The following CNTN5 variants were observed in gnomAD, a reference collection of about 807,000 sequenced individuals.
The protein encoded by CNTN5 is contactin-5.
In CNTN5, 77 loss-of-function variants were observed where a neutral mutation model predicts 129.1. The ratio of observed to expected loss-of-function variants is 0.60; its 90% CI spans 0.50 to 0.72. The LOEUF is 0.72. Ranked by LOEUF, CNTN5 falls within the 30% of genes least tolerant of loss-of-function variation. The pLI is 0.00. For synonymous variants in CNTN5, 509 were observed against 465.6 expected (o/e 1.09, Z -1.20); for missense variants, 1,478 against 1,328.8 (o/e 1.11, Z -1.75).
At chr11:99,029,857 T>C (rs1863279559) in intron 1 of CNTN5, among the ~76,000 whole-genome samples, 1 of 152,176 alleles carries the variant, frequency 6.6e-6, no homozygotes, top group Admixed American at 6.5e-5. Flanking sequence ...AGTTTATTAA[T>C]TTCTCAATCA....
intron 2 of CNTN5, among the ~76,000 whole-genome samples, chr11:99,453,436 A>C (rs925607375): frequency 1.3e-5 from 2 of 152,234 alleles, no homozygotes; most frequent in Non-Finnish European, 2.9e-5. Context: ...TCATTACCAG[A>C]TGAATATTTG....
At chr11:99,787,617 A>C (rs1945581248) in intron 3 of CNTN5, among the ~76,000 whole-genome samples, 1 of 151,998 alleles carries the variant, frequency 6.6e-6, no homozygotes, top group Non-Finnish European at 1.5e-5. Flanking sequence ...CTGAAGAAGA[A>C]AAGAACAGAA....
intron 3 of CNTN5, among the ~76,000 whole-genome samples, chr11:99,648,959 G>T (rs1406747551): frequency 2.0e-5 from 3 of 151,724 alleles, no homozygotes; most frequent in Non-Finnish European, 4.4e-5. Context: ...CACAACTACA[G>T]CTAGATTGGA....
chr11:99,030,033 G>C (rs934654987), intron 1 of CNTN5, among the ~76,000 whole-genome samples: 1 of 152,140 alleles, frequency 6.6e-6, no homozygotes, highest in Non-Finnish European at 1.5e-5. Context: ...AGAGAGAGAA[G>C]AGAGAAGAAA....
At chr11:100,133,619 G>A (rs11222898) in intron 13 of CNTN5, among the ~76,000 whole-genome samples, 19,690 of 152,076 alleles carry the variant, frequency 0.13, 1,354 homozygotes, top group African/African-American at 0.16. Flanking sequence ...CAAGAACCAT[G>A]TAAAGTTATA....
intron 18 of CNTN5, among the ~76,000 whole-genome samples, chr11:100,286,063 C>G (rs1380435594): frequency 1.3e-5 from 2 of 152,218 alleles, no homozygotes; most frequent in Non-Finnish European, 2.9e-5. Flanking sequence ...TAAAAAACGG[C>G]CCAACACGAG....
chr11:99,091,425 G>C (rs547902658), intron 1 of CNTN5, among the ~76,000 whole-genome samples: 1 of 152,198 alleles, frequency 6.6e-6, no homozygotes, highest in Non-Finnish European at 1.5e-5. Context: ...TGAAAGGTCT[G>C]TAAGGCACAA....
rs201574871 is a variant in CNTN5 at position 100,129,924 on chromosome 11, T to TA, written c.1580+55638dup. Reference sequence around the variant, plus strand: ...TGGTTGTGCTAATCATTAGTCGTGGTAAAAAAAATCACCATCACTAGTGGT... The same window carrying TA: ...TGGTTGTGCTAATCATTAGTCGTGGTAAAAAAAAATCACCATCACTAGTGGT... On this transcript the variant is annotated intron_variant, in intron 13 of 24. Coordinates refer to ENST00000524871, the MANE Select transcript of CNTN5 (RefSeq NM_014361.4). Among the ~76,000 whole-genome samples the TA allele has an allele frequency of 9.5e-3, 1,447 of 152,040 alleles. 33 individuals carry two copies. Among genetic ancestry groups the TA allele is most frequent in the African/African-American group, 0.033 (1,353 of 41,472 alleles).
chr11:99,952,156 T>C (rs1166895933), intron 7 of CNTN5, among the ~76,000 whole-genome samples: 1 of 152,200 alleles, frequency 6.6e-6, no homozygotes, highest in Non-Finnish European at 1.5e-5. Flanking sequence ...TAGTAATGAA[T>C]AATTAAGCGG....
chr11:100,190,352 G>T (rs959213992), intron 13 of CNTN5, among the ~76,000 whole-genome samples: 1 of 152,038 alleles, frequency 6.6e-6, no homozygotes, highest in African/African-American at 2.4e-5. Context: ...GAGCATAGAA[G>T]GGAGAAAAGG....
chr11:99,587,254 C>CA (rs1565324932), intron 3 of CNTN5, among the ~76,000 whole-genome samples: 4 of 152,146 alleles, frequency 2.6e-5, no homozygotes, highest in African/African-American at 7.2e-5. Flanking sequence ...ACAGGATCTC[C>CA]TCATAGAATA....
At chr11:99,716,426 A>G (rs904324996) in intron 3 of CNTN5, among the ~76,000 whole-genome samples, 1 of 151,970 alleles carries the variant, frequency 6.6e-6, no homozygotes, top group Non-Finnish European at 1.5e-5. Context: ...GCTACTCCTC[A>G]GTATCCTGAA....
intron 2 of CNTN5, among the ~76,000 whole-genome samples, chr11:99,343,719 A>G (rs2136062999): frequency 6.6e-6 from 1 of 152,328 alleles, no homozygotes; most frequent in Admixed American, 6.5e-5. Context: ...TTAAAATGAA[A>G]AACTCATAAT....
At chr11:99,245,864 T>A (rs1591412105) in intron 1 of CNTN5, among the ~76,000 whole-genome samples, 1 of 152,162 alleles carries the variant, frequency 6.6e-6, no homozygotes, top group East Asian at 1.9e-4. Context: ...ATTAACTAGA[T>A]GACAGTAGCG....
At chr11:100,264,661 TCTG>T (rs1220612246) in intron 17 of CNTN5, among the ~76,000 whole-genome samples, 1 of 152,204 alleles carries the variant, frequency 6.6e-6, no homozygotes, top group Non-Finnish European at 1.5e-5. Flanking sequence ...CTTCCATGTC[TCTG>T]CTAATGTCAA....
chr11:100,249,232 T>C (rs1377292932), intron 16 of CNTN5, among the ~76,000 whole-genome samples: 4 of 152,218 alleles, frequency 2.6e-5, no homozygotes, highest in African/African-American at 9.6e-5. Context: ...ATACATTTTA[T>C]TCACTTTTCA....
At chr11:100,287,058 AAAG>A (rs1236864496) in intron 18 of CNTN5, among the ~76,000 whole-genome samples, 1 of 152,128 alleles carries the variant, frequency 6.6e-6, no homozygotes, top group Non-Finnish European at 1.5e-5. Context: ...TTTAGAGAAA[AAAG>A]AATAAAAAGA....
intron 13 of CNTN5, among the ~76,000 whole-genome samples, chr11:100,151,668 C>T (rs896649643): frequency 3.9e-5 from 6 of 152,174 alleles, no homozygotes; most frequent in Admixed American, 3.9e-4. Context: ...TCTATTCCCG[C>T]TCTACCTATT....
At chr11:99,590,512 T>A (rs1173184887) in intron 3 of CNTN5, among the ~76,000 whole-genome samples, 2 of 152,248 alleles carry the variant, frequency 1.3e-5, no homozygotes, top group African/African-American at 4.8e-5. Flanking sequence ...AACACAGTAC[T>A]TGATATAATA....
Sources: allele counts gnomAD v4.1 joint callset (sites outside exome capture counted in the v4.1 genomes callset), GRCh38; gene constraint gnomAD v4.1.1; transcripts MANE v1.5; gene names NCBI Gene and HGNC (gene_info 2026-07-23, HGNC 2026-07-21).